The following GALNTL6 variants were observed in gnomAD, a reference collection of about 807,000 sequenced individuals.
The protein encoded by GALNTL6 is polypeptide N-acetylgalactosaminyltransferase-like 6.
Under a neutral mutation model 73.7 loss-of-function variants are expected in GALNTL6, and 46 were observed. That is an observed-to-expected ratio of 0.62 (90% CI 0.49 to 0.80). The LOEUF (loss-of-function observed/expected upper bound fraction) is 0.80, where lower values mean the gene tolerates loss of function less well. GALNTL6 is among the 30% of genes least tolerant of loss of function. GALNTL6 has a pLI of 0.00. For synonymous variants in GALNTL6, 259 were observed against 263.7 expected, an observed-to-expected ratio of 0.98 and a Z score of 0.17; for missense variants, 604 against 755.0, an observed-to-expected ratio of 0.80 and a Z score of 2.34.
intron 5 of GALNTL6, among the ~76,000 whole-genome samples, chr4:172,487,839 G>T (rs574537587): frequency 2.0e-5 from 3 of 152,202 alleles, no homozygotes; most frequent in African/African-American, 7.2e-5. Flanking sequence ...TACCTGGAAG[G>T]TGTTCATGTC....
chr4:171,871,443 A>C (rs1006493022), intron 2 of GALNTL6, among the ~76,000 whole-genome samples: 1 of 152,170 alleles, frequency 6.6e-6, no homozygotes, highest in Non-Finnish European at 1.5e-5. Flanking sequence ...GACTGTTATA[A>C]TAGAAACAAT....
chr4:172,232,074 TATATC>T (rs1234343683), intron 3 of GALNTL6, among the ~76,000 whole-genome samples: 2 of 151,854 alleles, frequency 1.3e-5, no homozygotes, highest in African/African-American at 4.9e-5. Context: ...TACAGTGAAA[TATATC>T]ATAAATAAAA....
chr4:171,833,619 T>G (rs1010913907), intron 2 of GALNTL6, among the ~76,000 whole-genome samples: 1 of 151,768 alleles, frequency 6.6e-6, no homozygotes, highest in African/African-American at 2.4e-5. Flanking sequence ...AAAGAAATTT[T>G]ATTTCCACTC....
intron 2 of GALNTL6, among the ~76,000 whole-genome samples, chr4:171,879,275 C>T (rs1316071431): frequency 6.6e-6 from 1 of 152,018 alleles, no homozygotes; most frequent in East Asian, 1.9e-4. Flanking sequence ...CATAGAAAAA[C>T]TGAAGTGAAA....
At chr4:172,981,831 T>TC (rs1751077942) in intron 10 of GALNTL6, among the ~76,000 whole-genome samples, 1 of 147,842 alleles carries the variant, frequency 6.8e-6, no homozygotes, top group Non-Finnish European at 1.5e-5. Context: ...AGATGGAGTT[T>TC]CGCTCTTGTT....
Position 172,781,464 on chromosome 4 carries a change from C to T in GALNTL6, c.554-27897C>T, listed in dbSNP as rs911035138. Among the ~76,000 whole-genome samples, 18 of 152,158 alleles carry T rather than the reference C, an allele frequency of 1.2e-4. No homozygotes were observed. The South Asian group carries it at 1.7e-3, about 14-fold the overall frequency. On this transcript the variant is annotated intron_variant, in intron 5 of 12. Coordinates refer to ENST00000506823, the MANE Select transcript of GALNTL6 (RefSeq NM_001034845.3). The stretch of plus-strand genomic sequence containing the variant: ...AATGAAACAAGTATGATATCCAGAT[C>T]GGTGCATTTTTTTCAAAAAAATTTT...
chr4:172,522,674 C>CAA (rs1734821173), intron 5 of GALNTL6, among the ~76,000 whole-genome samples: 1 of 64,038 alleles, frequency 1.6e-5, no homozygotes, highest in Non-Finnish European at 3.1e-5. Flanking sequence ...GTCCCCCCCC[C>CAA]CCCCAAAAAA....
intron 2 of GALNTL6, among the ~76,000 whole-genome samples, chr4:172,088,685 T>C (rs1732116545): frequency 6.6e-6 from 1 of 152,174 alleles, no homozygotes; most frequent in African/African-American, 2.4e-5. Flanking sequence ...GTTTTCATCT[T>C]TTCTGGTTAA....
intron 5 of GALNTL6, among the ~76,000 whole-genome samples, chr4:172,587,480 C>A (rs1737457717): frequency 6.6e-6 from 1 of 152,116 alleles, no homozygotes; most frequent in Non-Finnish European, 1.5e-5. Flanking sequence ...GCTTGTCTTC[C>A]CTTTAGAATA....
chr4:172,532,557 C>G (rs1455123), intron 5 of GALNTL6, among the ~76,000 whole-genome samples: 31,152 of 152,082 alleles, frequency 0.2, 3,487 homozygotes, highest in African/African-American at 0.28. Context: ...GTAATATTTT[C>G]TCTATCAATC....
chr4:172,443,121 C>CATATATAT (rs4048464), intron 5 of GALNTL6, among the ~76,000 whole-genome samples: 105 of 51,924 alleles, frequency 2.0e-3, no homozygotes, highest in Non-Finnish European at 2.9e-3. Flanking sequence ...GATCCATATA[C>CATATATAT]ATATATATAT....
rs115245217 is a variant in GALNTL6 at position 172,910,617 on chromosome 4, A to T, written c.1042-20544A>T. 8.5e-3 allele frequency among the ~76,000 whole-genome samples: 1,298 copies of T among 152,360 alleles called. 14 individuals are homozygous for T. Among genetic ancestry groups the T allele is most frequent in the African/African-American group, 0.027 (1,130 of 41,586 alleles). ...CATCTATATCTGCATTCATGTGTTA[A>T]TATATATTTACATGAATCTCACAAT... On this transcript the variant is annotated intron_variant, in intron 8 of 12. Transcript: ENST00000506823.
At chr4:172,514,575 C>T (rs1490213644) in intron 5 of GALNTL6, among the ~76,000 whole-genome samples, 1 of 152,194 alleles carries the variant, frequency 6.6e-6, no homozygotes. Context: ...CTCATATCTG[C>T]ACTTCCCATT....
At chr4:172,975,847 G>A (rs901359769) in intron 10 of GALNTL6, among the ~76,000 whole-genome samples, 2 of 152,190 alleles carry the variant, frequency 1.3e-5, no homozygotes, top group African/African-American at 4.8e-5. Flanking sequence ...ATCTGAGTGG[G>A]CAACAGGATC....
intron 4 of GALNTL6, among the ~76,000 whole-genome samples, chr4:172,334,503 T>A (rs1741240364): frequency 6.6e-6 from 1 of 152,180 alleles, no homozygotes. Context: ...TTTACAGCTA[T>A]TGTAAATAGG....
intron 3 of GALNTL6, among the ~76,000 whole-genome samples, chr4:172,261,868 C>T (rs746131470): frequency 3.2e-4 from 48 of 151,428 alleles, no homozygotes; most frequent in African/African-American, 6.3e-4. Flanking sequence ...AAAGATCATT[C>T]GAGAGCAGAT....
At position 172,286,179 on chromosome 4, in the gene GALNTL6, G is replaced by A. The variant is rs555526099; in HGVS notation, c.248-25435G>A. On this transcript the variant is annotated intron_variant, in intron 3 of 12. Coordinates refer to ENST00000506823, the MANE Select transcript of GALNTL6 (RefSeq NM_001034845.3). ...CTAGTTTTCATTTTCTTGCTAGTTT[G>A]TCTGATAAAATATCTGATATCTGGC... Among the ~76,000 whole-genome samples the A allele has an allele frequency of 4.6e-5, 7 of 152,240 alleles. No individual in the cohort carries two copies. The South Asian group carries it at 1.2e-3, about 27-fold the overall frequency.
chr4:171,884,383 C>T (rs1736549919), intron 2 of GALNTL6, among the ~76,000 whole-genome samples: 1 of 152,058 alleles, frequency 6.6e-6, no homozygotes, highest in African/African-American at 2.4e-5. Flanking sequence ...CTCATTTGTT[C>T]TTCAAAATAA....
At chr4:173,007,334 A>G (rs1168745702) in intron 10 of GALNTL6, among the ~76,000 whole-genome samples, 1 of 152,170 alleles carries the variant, frequency 6.6e-6, no homozygotes, top group African/African-American at 2.4e-5. Flanking sequence ...TTCCATTCTT[A>G]TAAGGACCTG....
Sources: gnomAD v4.1 joint callset for allele counts (sites outside exome capture counted in the v4.1 genomes callset) on GRCh38, gnomAD v4.1.1 for gene constraint, MANE v1.5 for transcripts, NCBI Gene and HGNC (gene_info 2026-07-23, HGNC 2026-07-21) for gene names.